The following COL2A1 variants were observed in gnomAD, a reference collection of about 807,000 sequenced individuals.
COL2A1 encodes collagen type II alpha 1 chain.
Under a neutral mutation model 204.5 loss-of-function variants are expected in COL2A1, and 28 were observed. The ratio of observed to expected loss-of-function variants is 0.14; its 90% CI spans 0.10 to 0.19. The LOEUF is 0.19. Among genes scored for constraint, COL2A1 ranks in the 10% least tolerant of loss-of-function variants. The pLI, the probability that COL2A1 is intolerant of heterozygous loss-of-function variation, is 1.00. For synonymous variants in COL2A1, 708 were observed against 718.7 expected (o/e 0.99, Z 0.24); for missense variants, 1,388 against 2,027.5 (o/e 0.68, Z 6.06).
chr12:47,984,876 G>A, intron 27 of COL2A1, 119 bp downstream of exon 27: 2 of 891,504 alleles, frequency 2.2e-6, no homozygotes, highest in Non-Finnish European at 3.7e-6. Context: ...CATGGCACAG[G>A]AGCCCCACTC....
Position 47,989,266 on chromosome 12 carries a change from C to T in COL2A1, c.1084G>A (p.Ala362Thr). Residue 362 changes from alanine (A) to threonine (T), a missense_variant, in exon 18 of 54, where the codon GCT becomes ACT. This residue lies in a region of COL2A1 where 884 missense variants were observed against 1,415.8 expected (regional missense o/e 0.62). Transcript: ENST00000380518. ...PAGPPGPVGPAGGPGFPGAPG... is the reference protein window; with the variant it reads ...PAGPPGPVGPTGGPGFPGAPG... ...GCACCAGGGAAGCCAGGACCACCAG[C>T]AGGACCGACAGGACCCTGGAGAGAG... 1 of 1,612,970 alleles carries T rather than the reference C, an allele frequency of 6.2e-7. No individual in the cohort carries two copies. The highest frequency in any genetic ancestry group is 1.1e-5 in the South Asian group (1 of 90,502).
chr12:47,974,999 G>A, intron 51 of COL2A1, 137 bp from the exon 52 acceptor site: 1 of 917,568 alleles, frequency 1.1e-6, no homozygotes, highest in Non-Finnish European at 1.6e-6. Flanking sequence ...CCTGAAAGGA[G>A]GGGGACCTGG....
intron 40 of COL2A1, 47 bp from the exon 41 acceptor site, chr12:47,979,611 G>T: frequency 1.0e-6 from 1 of 985,162 alleles, no homozygotes; most frequent in Non-Finnish European, 1.5e-6. Context: ...CCCTCAGGAG[G>T]TTTGAGATTA....
Position 47,982,887 on chromosome 12 carries a change from G to A in COL2A1, c.2154C>T (p.Pro718=). ...GSPGAQGLQG[P]RGLPGTPGTD... is the part of the protein sequence containing the mutation. Reference sequence around the variant, plus strand: ...TGCCAGGAGTGCCGGGGAGGCCACGGGGACCCTGGAGGCCCTGGGCACCGG... The same window carrying A: ...TGCCAGGAGTGCCGGGGAGGCCACGAGGACCCTGGAGGCCCTGGGCACCGG... The change falls in exon 33 of 54, where the codon CCC becomes CCT. Residue 718 remains proline (P), a synonymous_variant. Coordinates refer to ENST00000380518, the MANE Select transcript of COL2A1 (RefSeq NM_001844.5). 6.2e-7 allele frequency: 1 copy of A among 1,613,056 alleles called. No homozygotes were observed. Among genetic ancestry groups the A allele is most frequent in the Non-Finnish European group, 8.5e-7 (1 of 1,179,922 alleles).
chr12:47,997,731 T>C, intron 6 of COL2A1, 24 bp from the exon 7 acceptor site: 1 of 1,614,086 alleles, frequency 6.2e-7, no homozygotes, highest in East Asian at 2.2e-5. Context: ...GAAAAAGGCA[T>C]CAATGGGAAG....
Position 47,980,132 on chromosome 12 carries a change from C to T in COL2A1, c.2626-70G>A, listed in dbSNP as rs1938966576. On this transcript the variant is annotated intron_variant, in intron 39 of 53. Transcript: ENST00000380518. The surrounding 1 kb of genome is among the most constrained non-coding windows in gnomAD (Gnocchi z 4.5). Reference sequence around the variant, plus strand: ...AGACGGTGGGCTTCTGTCTGAGCCCCAACAATGGACCCCTGAGGTTTTCGA... The same window carrying T: ...AGACGGTGGGCTTCTGTCTGAGCCCTAACAATGGACCCCTGAGGTTTTCGA... 3 of 1,345,486 alleles carry T rather than the reference C, an allele frequency of 2.2e-6. No homozygotes were observed. Among genetic ancestry groups the T allele is most frequent in the African/African-American group, 1.5e-5 (1 of 68,798 alleles). 83.3% of individuals were successfully genotyped at this position (1,345,486 alleles called of 1,614,324 possible). A position where few individuals can be genotyped will look rare whatever the true frequency, so the allele number is the denominator to read the frequency against.
At chr12:47,997,038 T>G (rs1223290272) in intron 7 of COL2A1, among the ~76,000 whole-genome samples, 1 of 152,168 alleles carries the variant, frequency 6.6e-6, no homozygotes, top group Admixed American at 6.5e-5. Context: ...CAGCAAGAGA[T>G]GTAGTAGGCA....
intron 10 of COL2A1, among the ~76,000 whole-genome samples, 185 bp from the exon 11 acceptor site, chr12:47,995,493 G>A (rs1312783194): frequency 6.6e-6 from 1 of 152,226 alleles, no homozygotes; most frequent in Non-Finnish European, 1.5e-5. Flanking sequence ...GGGTGACCCG[G>A]AAAGGGGGCT....
At chr12:47,981,515 C>T in intron 36 of COL2A1, 119 bp from the exon 37 acceptor site, 1 of 984,156 alleles carries the variant, frequency 1.0e-6, no homozygotes, top group Non-Finnish European at 1.6e-6. Context: ...CCCCCTGGCA[C>T]AGCCTGTGTT....
chr12:48,001,566 C>T (rs893798742), intron 1 of COL2A1, among the ~76,000 whole-genome samples: 3 of 152,096 alleles, frequency 2.0e-5, no homozygotes, highest in African/African-American at 4.8e-5. Flanking sequence ...GGGGGAAATG[C>T]TAGGAGAGGG....
At chr12:48,000,242 T>A (rs1940170579) in intron 1 of COL2A1, 117 bp from the exon 2 acceptor site, 2 of 742,736 alleles carry the variant, frequency 2.7e-6, no homozygotes, top group Non-Finnish European at 4.8e-6. Flanking sequence ...CTGAAGAATG[T>A]AGGCTGGGGC....
chr12:47,982,730 T>A, intron 33 of COL2A1, 118 bp downstream of exon 33: 2 of 1,258,038 alleles, frequency 1.6e-6, no homozygotes, highest in Non-Finnish European at 2.3e-6. Context: ...CATGTAGACC[T>A]CCTTTCCAGC....
At position 47,975,447 on chromosome 12, in the gene COL2A1, G is replaced by A. The variant is rs377079894; in HGVS notation, c.3756C>T (p.Asp1252=). Residue 1252 remains aspartate (D), a synonymous_variant, in exon 51 of 54, where the codon GAC becomes GAT. Transcript: ENST00000380518. ...ACTTGAGTGTGGCATCCACCTCGGC[G>A]TCATGCTGTCTCAGGCCACCGGCTG... ...DQAAGGLRQH[D]AEVDATLKSL... The A allele has an allele frequency of 3.2e-5, 52 of 1,613,976 alleles. No homozygotes were observed. The highest frequency in any genetic ancestry group is 2.7e-4 in the African/African-American group (20 of 74,898).
In COL2A1 at chr12:47,987,539, C is replaced by A. The variant is rs2136578471; in HGVS notation, c.1221+72G>T. On this transcript the variant is annotated intron_variant, in intron 19 of 53. Transcript: ENST00000380518. The surrounding 1 kb of genome is among the most constrained non-coding windows in gnomAD (Gnocchi z 4.1). ...TGGTTGGAGCCCACAACTGTCAGAG[C>A]AAAGTACAGAGTCAAGAGTTCCAAA... 7.3e-7 allele frequency: 1 copy of A among 1,366,822 alleles called. No homozygotes were observed. The highest frequency in any genetic ancestry group is 1.0e-6 in the Non-Finnish European group (1 of 975,130). 84.7% of individuals were successfully genotyped at this position (1,366,822 alleles called of 1,614,324 possible). A position where few individuals can be genotyped will look rare whatever the true frequency, so the allele number is the denominator to read the frequency against.
intron 28 of COL2A1, 122 bp from the exon 29 acceptor site, chr12:47,984,262 G>A: frequency 1.1e-6 from 1 of 920,214 alleles, no homozygotes; most frequent in South Asian, 1.4e-5. Flanking sequence ...CCCCAGCTGA[G>A]CTCCATTTCC....
At position 47,977,403 on chromosome 12, in the gene COL2A1, C is replaced by T. The variant is rs763248048; in HGVS notation, c.3190G>A (p.Val1064Met). ...VKGDRGETGAVGAPGAPGPPG... is the reference protein window; with the variant it reads ...VKGDRGETGAMGAPGAPGPPG... Reference sequence around the variant, plus strand: ...GGCCCAGGGGCTCCAGGAGCTCCCACAGCACCAGTCTCACCACGATCACCC... The same window carrying T: ...GGCCCAGGGGCTCCAGGAGCTCCCATAGCACCAGTCTCACCACGATCACCC... Residue 1064 changes from valine (V) to methionine (M), a missense_variant, in exon 46 of 54, where the codon GTG (valine) becomes ATG (methionine). Val to Met is a conservative substitution (Grantham distance 21, BLOSUM62 1). Coordinates refer to ENST00000380518, the MANE Select transcript of COL2A1 (RefSeq NM_001844.5). The T allele has an allele frequency of 2.5e-6, 4 of 1,613,104 alleles. No individual in the cohort carries two copies. Among genetic ancestry groups the T allele is most frequent in the Middle Eastern group, 3.3e-4 (2 of 6,056 alleles).
rs1592220294 is a variant in COL2A1 at position 47,987,196 on chromosome 12, G to A, written c.1267-20C>T. 3.7e-6 allele frequency: 6 copies of A among 1,613,830 alleles called. No individual in the cohort carries two copies. Among genetic ancestry groups the A allele is most frequent in the South Asian group, 1.1e-5 (1 of 91,080 alleles). ...AGCACCCTGTGGGCATGAGAAGAAG[G>A]GAGGGGTGTCAGGAGAGGGGAGAGG... is the stretch of plus-strand genomic sequence containing the variant. On this transcript the variant is annotated intron_variant, in intron 20 of 53. Transcript: ENST00000380518. This position sits in a 1 kb window ranked among gnomAD's most constrained non-coding sequence, Gnocchi z 4.1.
At chr12:47,998,555 G>A in intron 2 of COL2A1, 124 bp from the exon 3 acceptor site, 1 of 1,040,218 alleles carries the variant, frequency 9.6e-7, no homozygotes, top group Non-Finnish European at 1.4e-6. Flanking sequence ...GAAGGCGGCA[G>A]CTTCCTGTGA....
chr12:47,990,011 T>G (rs1214003871), intron 16 of COL2A1, among the ~76,000 whole-genome samples: 2 of 152,166 alleles, frequency 1.3e-5, no homozygotes, highest in African/African-American at 2.4e-5. Context: ...CTAATCTTTT[T>G]TTGTTGTTGT....
Sources: gnomAD v4.1 joint callset for allele counts (sites outside exome capture counted in the v4.1 genomes callset) on GRCh38, gnomAD v4.1.1 for gene constraint, gnomAD v4.1.1 regional missense constraint, Gnocchi (gnomAD v3.1) non-coding constraint, MANE v1.5 for transcripts, NCBI Gene and HGNC (gene_info 2026-07-23, HGNC 2026-07-21) for gene names.